AKAP6: variants seen among roughly 807,000 people sequenced by gnomAD.
AKAP6 encodes A-kinase anchoring protein 6.
A neutral mutation model predicts 188.5 loss-of-function variants in AKAP6; 58 were observed. That is an observed-to-expected ratio of 0.31 (90% CI 0.25 to 0.38). The LOEUF (loss-of-function observed/expected upper bound fraction) is 0.38. Ranked by LOEUF, AKAP6 falls within the 10% of genes least tolerant of loss-of-function variation. The pLI is 1.00. For synonymous variants in AKAP6, 989 were observed against 998.6 expected (o/e 0.99, Z 0.18); for missense variants, 2,710 against 2,740.0 (o/e 0.99, Z 0.24).
intron 1 of AKAP6, among the ~76,000 whole-genome samples, chr14:32,344,566 A>G (rs1203464062): frequency 6.6e-6 from 1 of 152,160 alleles, no homozygotes; most frequent in African/African-American, 2.4e-5. Context: ...GGTATAGATA[A>G]GGGCATTCCT....
intron 2 of AKAP6, among the ~76,000 whole-genome samples, chr14:32,497,270 T>G (rs1252172949): frequency 6.6e-6 from 1 of 152,190 alleles, no homozygotes; most frequent in East Asian, 1.9e-4. Context: ...TTTGGTGCTA[T>G]AAATTATCTC....
intron 12 of AKAP6, among the ~76,000 whole-genome samples, chr14:32,775,501 T>C (rs1203418350): frequency 6.6e-6 from 1 of 151,706 alleles, no homozygotes; most frequent in African/African-American, 2.4e-5. Context: ...GGCCTGATCA[T>C]AGCTTACTGC....
At chr14:32,657,147 C>G (rs1888487482) in intron 7 of AKAP6, among the ~76,000 whole-genome samples, 1 of 152,150 alleles carries the variant, frequency 6.6e-6, no homozygotes. Context: ...CCTGGGAGCC[C>G]TGGCTCTGAT....
intron 7 of AKAP6, among the ~76,000 whole-genome samples, chr14:32,674,093 C>T (rs1486990624): frequency 6.6e-6 from 1 of 152,060 alleles, no homozygotes; most frequent in Non-Finnish European, 1.5e-5. Flanking sequence ...AGACAATGTT[C>T]CAGTGAAAGG....
intron 12 of AKAP6, among the ~76,000 whole-genome samples, chr14:32,815,827 G>C (rs2034364658): frequency 1.3e-5 from 2 of 152,082 alleles, no homozygotes; most frequent in African/African-American, 4.8e-5. Context: ...GTAATTTAAA[G>C]CTCCCAACAG....
chr14:32,520,750 A>T (rs1275905303), intron 2 of AKAP6, among the ~76,000 whole-genome samples: 1 of 152,224 alleles, frequency 6.6e-6, no homozygotes, highest in African/African-American at 2.4e-5. Flanking sequence ...TTCATAGCCG[A>T]ATTCTACCAG....
At chr14:32,774,021 C>T (rs1394429102) in intron 12 of AKAP6, 128 bp downstream of exon 12, 1 of 1,016,348 alleles carries the variant, frequency 9.8e-7, no homozygotes, top group Non-Finnish European at 1.5e-6. Context: ...GTTTTGCCAT[C>T]TTACAAGTGG....
At chr14:32,450,455 C>T (rs1036966277) in intron 2 of AKAP6, among the ~76,000 whole-genome samples, 1 of 152,060 alleles carries the variant, frequency 6.6e-6, no homozygotes, top group African/African-American at 2.4e-5. Flanking sequence ...GAAATATAGC[C>T]TCACTTAACA....
intron 4 of AKAP6, among the ~76,000 whole-genome samples, chr14:32,552,953 T>C (rs139149635): frequency 6.6e-6 from 1 of 152,218 alleles, no homozygotes; most frequent in East Asian, 1.9e-4. Context: ...TAACTCATCA[T>C]GGCAGAGTCC....
At chr14:32,786,880 T>C (rs1177416584) in intron 12 of AKAP6, among the ~76,000 whole-genome samples, 1 of 152,202 alleles carries the variant, frequency 6.6e-6, no homozygotes. Flanking sequence ...AAGTTTTTAT[T>C]CTTTGTACAA....
At chr14:32,398,789 TCTCTCTC>T in intron 1 of AKAP6, among the ~76,000 whole-genome samples, 1 of 13,546 alleles carries the variant, frequency 7.4e-5, no homozygotes, top group South Asian at 2.9e-3. Flanking sequence ...TTTCTCTCTC[TCTCTCTC>T]TCTCTCTCCC....
chr14:32,677,826 A>G (rs1430552202), intron 7 of AKAP6, among the ~76,000 whole-genome samples: 4 of 152,240 alleles, frequency 2.6e-5, no homozygotes. Context: ...CAACCAAAAA[A>G]TGTAGTAAAG....
At chr14:32,518,275 T>C (rs1413534039) in intron 2 of AKAP6, among the ~76,000 whole-genome samples, 2 of 152,064 alleles carry the variant, frequency 1.3e-5, no homozygotes, top group African/African-American at 2.4e-5. Context: ...ATTCTAAAAA[T>C]CAGAGCACCT....
intron 9 of AKAP6, among the ~76,000 whole-genome samples, chr14:32,730,753 G>A (rs921155040): frequency 6.6e-6 from 1 of 152,154 alleles, no homozygotes; most frequent in Non-Finnish European, 1.5e-5. Context: ...AATTAATTAT[G>A]TAAATCTTTG....
At chr14:32,768,854 G>A (rs1007293626) in intron 11 of AKAP6, among the ~76,000 whole-genome samples, 8 of 151,912 alleles carry the variant, frequency 5.3e-5, no homozygotes, top group African/African-American at 1.9e-4. Flanking sequence ...ACGTATAGTA[G>A]CATCAGAGAA....
intron 7 of AKAP6, among the ~76,000 whole-genome samples, chr14:32,638,651 C>T (rs1887621622): frequency 6.6e-6 from 1 of 151,870 alleles, no homozygotes; most frequent in Non-Finnish European, 1.5e-5. Context: ...TTTTCTTTCT[C>T]TTTCCCTCTC....
chr14:32,517,024 C>T (rs2139043535), intron 2 of AKAP6, among the ~76,000 whole-genome samples: 1 of 152,256 alleles, frequency 6.6e-6, no homozygotes, highest in Admixed American at 6.5e-5. Flanking sequence ...GGGCAACTCT[C>T]AATAAGGTTA....
At chr14:32,555,675 C>A (rs1235603643) in intron 4 of AKAP6, among the ~76,000 whole-genome samples, 1 of 152,150 alleles carries the variant, frequency 6.6e-6, no homozygotes, top group African/African-American at 2.4e-5. Flanking sequence ...TAAGTATCTC[C>A]TCTAAGTGGA....
chr14:32,581,696 T>A (rs555649065), intron 5 of AKAP6, among the ~76,000 whole-genome samples: 2 of 152,340 alleles, frequency 1.3e-5, no homozygotes, highest in East Asian at 3.9e-4. Context: ...GGTGCATATA[T>A]ATTTAGGACA....
Sources: allele counts gnomAD v4.1 joint callset (sites outside exome capture counted in the v4.1 genomes callset), GRCh38; gene constraint gnomAD v4.1.1; transcripts MANE v1.5; gene names NCBI Gene and HGNC (gene_info 2026-07-23, HGNC 2026-07-21).